NRG1: variants seen among roughly 807,000 people sequenced by gnomAD.
The protein encoded by NRG1 is pro-neuregulin-1, membrane-bound isoform.
In NRG1, 18 loss-of-function variants were observed where a neutral mutation model predicts 63.8. That is an observed-to-expected ratio of 0.28 (90% CI 0.19 to 0.42). The LOEUF (loss-of-function observed/expected upper bound fraction) is 0.42. Ranked by LOEUF, NRG1 falls within the 10% of genes least tolerant of loss-of-function variation. NRG1 has a pLI of 1.00. For synonymous variants in NRG1, 302 were observed against 301.3 expected, an observed-to-expected ratio of 1.00 and a Z score of -0.02; for missense variants, 762 against 814.7, an observed-to-expected ratio of 0.94 and a Z score of 0.79.
At chr8:32,004,890 G>A (rs1393828772) in intron 1 of NRG1, among the ~76,000 whole-genome samples, 1 of 151,658 alleles carries the variant, frequency 6.6e-6, no homozygotes, top group Non-Finnish European at 1.5e-5. Context: ...ATAAAATCAT[G>A]TATATAATTT....
At chr8:32,712,673 GGGT>G (rs1164554702) in intron 5 of NRG1, among the ~76,000 whole-genome samples, 2 of 152,100 alleles carry the variant, frequency 1.3e-5, no homozygotes, top group Non-Finnish European at 2.9e-5. Flanking sequence ...TAAGCACTGA[GGGT>G]ATGTCCTTTT....
chr8:32,523,147 C>G (rs1449302199), intron 1 of NRG1, among the ~76,000 whole-genome samples: 1 of 152,132 alleles, frequency 6.6e-6, no homozygotes, highest in African/African-American at 2.4e-5. Flanking sequence ...AAGAAATGCT[C>G]AATGCCTGGG....
chr8:31,906,052 G>A (rs187472716), intron 1 of NRG1, among the ~76,000 whole-genome samples: 54 of 152,272 alleles, frequency 3.5e-4, no homozygotes, highest in African/African-American at 1.2e-3. Context: ...AAAATAACAA[G>A]CATTTATTAA....
At chr8:31,767,490 A>G (rs1262768033) in intron 1 of NRG1, among the ~76,000 whole-genome samples, 4 of 151,892 alleles carry the variant, frequency 2.6e-5, no homozygotes, top group African/African-American at 9.7e-5. Context: ...ATCTACTCTA[A>G]CTCCTGTGTT....
intron 1 of NRG1, among the ~76,000 whole-genome samples, chr8:32,400,231 C>A (rs1467318201): frequency 2.6e-5 from 4 of 152,116 alleles, no homozygotes; most frequent in Admixed American, 6.5e-5. Context: ...CTCCTGTAAT[C>A]CCAGCACTTT....
At chr8:32,415,258 A>G (rs1272443984) in intron 1 of NRG1, among the ~76,000 whole-genome samples, 1 of 151,706 alleles carries the variant, frequency 6.6e-6, no homozygotes, top group Non-Finnish European at 1.5e-5. Context: ...AAATACAAAA[A>G]TTAGCCAGGT....
intron 1 of NRG1, among the ~76,000 whole-genome samples, chr8:32,039,258 C>A (rs905640451): frequency 6.6e-6 from 1 of 152,180 alleles, no homozygotes; most frequent in African/African-American, 2.4e-5. Context: ...ATATAGTATT[C>A]ATTCACCAGA....
intron 1 of NRG1, among the ~76,000 whole-genome samples, chr8:32,385,848 G>A (rs1996564): frequency 0.55 from 82,899 of 151,908 alleles, 22,948 homozygotes; most frequent in South Asian, 0.62. Flanking sequence ...TGTGTTTACT[G>A]AAGAAATTAG....
intron 1 of NRG1, among the ~76,000 whole-genome samples, chr8:32,184,842 A>G (rs1469728788): frequency 6.6e-6 from 1 of 152,156 alleles, no homozygotes; most frequent in Non-Finnish European, 1.5e-5. Context: ...TTACTTGCAC[A>G]TAAAGTTAAG....
intron 1 of NRG1, among the ~76,000 whole-genome samples, chr8:31,891,722 C>A (rs1283531830): frequency 1.3e-5 from 2 of 152,116 alleles, no homozygotes; most frequent in Non-Finnish European, 2.9e-5. Flanking sequence ...TTTGTAATAG[C>A]TGCAAACTGG....
At chr8:31,739,275 T>G (rs539095590) in intron 1 of NRG1, among the ~76,000 whole-genome samples, 3 of 152,100 alleles carry the variant, frequency 2.0e-5, no homozygotes, top group Non-Finnish European at 4.4e-5. Context: ...TTCATCATGC[T>G]TGGTACATTC....
intron 1 of NRG1, among the ~76,000 whole-genome samples, chr8:31,809,727 TC>T (rs1481771161): frequency 6.9e-6 from 1 of 145,658 alleles, no homozygotes; most frequent in Non-Finnish European, 1.5e-5. Flanking sequence ...TTTTTTCTAC[TC>T]CTTCTATTAA....
At chr8:31,770,818 G>A (rs1586285688) in intron 1 of NRG1, among the ~76,000 whole-genome samples, 1 of 148,958 alleles carries the variant, frequency 6.7e-6, no homozygotes, top group Non-Finnish European at 1.5e-5. Flanking sequence ...CTTGTTTTGT[G>A]AATTTTGAAA....
At chr8:32,549,563 A>G (rs1171135402) in intron 1 of NRG1, among the ~76,000 whole-genome samples, 1 of 152,318 alleles carries the variant, frequency 6.6e-6, no homozygotes, top group Middle Eastern at 3.4e-3. Context: ...AATATGGATA[A>G]TTTACTTTCC....
intron 1 of NRG1, among the ~76,000 whole-genome samples, chr8:32,439,771 AT>A (rs11306096): frequency 0.62 from 82,916 of 133,364 alleles, 25,182 homozygotes; most frequent in East Asian, 0.92. Context: ...CGAATAAGTG[AT>A]TTTTTTTTTT....
At chr8:32,123,755 G>A (rs899673775) in intron 1 of NRG1, among the ~76,000 whole-genome samples, 63 of 151,048 alleles carry the variant, frequency 4.2e-4, no homozygotes, top group African/African-American at 1.4e-3. Context: ...TGTGCCCTCC[G>A]TCAAAATTTT....
chr8:31,897,106 G>A (rs1341394471), intron 1 of NRG1, among the ~76,000 whole-genome samples: 1 of 152,154 alleles, frequency 6.6e-6, no homozygotes, highest in Non-Finnish European at 1.5e-5. Context: ...CAAACTGGAA[G>A]AGGAAAACTA....
At chr8:31,775,974 T>A (rs1206799027) in intron 1 of NRG1, among the ~76,000 whole-genome samples, 3 of 152,136 alleles carry the variant, frequency 2.0e-5, no homozygotes, top group Admixed American at 2.0e-4. Flanking sequence ...TTGTAAGCTT[T>A]AGTCTTTGTG....
At chr8:32,195,017 C>T (rs773401259) in intron 1 of NRG1, among the ~76,000 whole-genome samples, 4 of 152,084 alleles carry the variant, frequency 2.6e-5, no homozygotes, top group Non-Finnish European at 5.9e-5. Context: ...TTATTTAATA[C>T]TGTTTGAAAG....
Sources: gnomAD v4.1 joint callset for allele counts (sites outside exome capture counted in the v4.1 genomes callset) on GRCh38, gnomAD v4.1.1 for gene constraint, MANE v1.5 for transcripts, NCBI Gene and HGNC (gene_info 2026-07-23, HGNC 2026-07-21) for gene names.